The following GSK3B variants were observed in gnomAD, a reference collection of about 807,000 sequenced individuals.
The protein encoded by GSK3B is glycogen synthase kinase-3 beta.
Under a neutral mutation model 56.4 loss-of-function variants are expected in GSK3B, and 15 were observed. The ratio of observed to expected loss-of-function variants is 0.27; its 90% CI spans 0.18 to 0.41. The LOEUF (loss-of-function observed/expected upper bound fraction) is 0.41. GSK3B is among the 10% of genes least tolerant of loss of function. The pLI is 1.00. For missense variants in GSK3B, 300 were observed against 513.4 expected (o/e 0.58, Z 4.02); for synonymous variants, 181 against 188.9 (o/e 0.96, Z 0.34).
intron 1 of GSK3B, among the ~76,000 whole-genome samples, chr3:120,039,980 G>T (rs1307058398): frequency 6.6e-6 from 1 of 152,208 alleles, no homozygotes; most frequent in Admixed American, 6.5e-5. Flanking sequence ...CAGCCTCAGG[G>T]ATAAAGGAAT....
At chr3:119,982,494 A>T (rs2057473010) in intron 2 of GSK3B, among the ~76,000 whole-genome samples, 1 of 152,222 alleles carries the variant, frequency 6.6e-6, no homozygotes, top group South Asian at 2.1e-4. Context: ...GGCTAACTAG[A>T]ATAAACAGTG....
chr3:119,843,072 C>T (rs572708106), intron 10 of GSK3B, among the ~76,000 whole-genome samples, 183 bp downstream of exon 10: 60 of 152,154 alleles, frequency 3.9e-4, no homozygotes, highest in African/African-American at 1.3e-3. Flanking sequence ...CCTGCCACCA[C>T]ACCTGGCTAA....
chr3:119,976,955 C>A (rs910536121), intron 2 of GSK3B, among the ~76,000 whole-genome samples: 1 of 151,978 alleles, frequency 6.6e-6, no homozygotes, highest in African/African-American at 2.4e-5. Flanking sequence ...TGCCTTATAT[C>A]AAGTTTTATT....
chr3:119,880,484 G>T (rs2056367973), intron 7 of GSK3B, among the ~76,000 whole-genome samples: 1 of 151,976 alleles, frequency 6.6e-6, no homozygotes, highest in Non-Finnish European at 1.5e-5. Context: ...GTAGTTTCTT[G>T]TATGCCAATT....
At chr3:120,020,452 T>C (rs1356112910) in intron 1 of GSK3B, among the ~76,000 whole-genome samples, 1 of 152,246 alleles carries the variant, frequency 6.6e-6, no homozygotes, top group Non-Finnish European at 1.5e-5. Flanking sequence ...GCTCACTTTA[T>C]GTCTCTGTGT....
chr3:119,991,653 T>C (rs1251507347), intron 2 of GSK3B, among the ~76,000 whole-genome samples: 1 of 152,102 alleles, frequency 6.6e-6, no homozygotes, highest in Non-Finnish European at 1.5e-5. Context: ...ACAGCAGCTA[T>C]GTAAATCACA....
intron 1 of GSK3B, among the ~76,000 whole-genome samples, chr3:120,083,560 A>G (rs1559906456): frequency 3.3e-5 from 5 of 152,246 alleles, no homozygotes; most frequent in Non-Finnish European, 7.3e-5. Context: ...TTAAAAGCAA[A>G]GGAAAAAATG....
rs746458626 is a variant in GSK3B, at chr3:119,826,685, ATTT to A, written c.*100_*102del. 1.6e-5 allele frequency: 13 copies of A among 788,368 alleles called. No homozygotes were observed. Among genetic ancestry groups the A allele is most frequent in the Non-Finnish European group, 2.7e-5 (12 of 437,784 alleles). The allele number at this position is 788,368 out of a possible 1,614,324, so 48.8% of individuals were successfully genotyped here. A position where few individuals can be genotyped will look rare whatever the true frequency, so the allele number is the denominator to read the frequency against. On this transcript the variant is annotated 3_prime_UTR_variant, in exon 11 of 11. Transcript: ENST00000264235. ...AAAATTGAACACTAAAATGAACAGG[ATTT>A]TTTTCTCTTTTTAATATTCTTTCCA...
intron 1 of GSK3B, among the ~76,000 whole-genome samples, chr3:120,068,843 T>C (rs569666634): frequency 2.0e-5 from 3 of 152,142 alleles, no homozygotes; most frequent in Admixed American, 6.5e-5. Flanking sequence ...TCTAGTATTA[T>C]ATAATTGAAA....
intron 1 of GSK3B, among the ~76,000 whole-genome samples, chr3:120,021,189 A>G (rs1426369610): frequency 6.6e-6 from 1 of 152,112 alleles, no homozygotes; most frequent in Non-Finnish European, 1.5e-5. Flanking sequence ...ACTACACTAA[A>G]CAACTTCTAG....
chr3:120,014,222 G>C (rs2107501508), intron 1 of GSK3B, among the ~76,000 whole-genome samples: 1 of 151,690 alleles, frequency 6.6e-6, no homozygotes, highest in Admixed American at 6.6e-5. Flanking sequence ...TGCAATCCCA[G>C]CACTTTGGGA....
chr3:119,940,110 T>TTGTG (rs56939160), intron 3 of GSK3B, among the ~76,000 whole-genome samples: 2,364 of 149,026 alleles, frequency 0.016, 56 homozygotes, highest in African/African-American at 0.054. Flanking sequence ...GTGTGTGTGT[T>TTGTG]TGTGTGTGTG....
chr3:119,826,078 G>A lies in GSK3B; in HGVS notation c.*710C>T. On this transcript the variant is annotated 3_prime_UTR_variant, in exon 11 of 11. Transcript: ENST00000264235. ...AGTCTTGCTTGCTGCTTCCCCTCTG[G>A]CAGCCTCCTGTACAAGCCTCTACAT... The A allele has an allele frequency of 4.5e-6, 1 of 223,828 alleles. No homozygotes were observed. The highest frequency in any genetic ancestry group is 8.9e-6 in the Non-Finnish European group (1 of 112,406). 13.9% of individuals were successfully genotyped at this position (223,828 alleles called of 1,614,324 possible). A position where few individuals can be genotyped will look rare whatever the true frequency, so the allele number is the denominator to read the frequency against.
intron 2 of GSK3B, among the ~76,000 whole-genome samples, chr3:119,979,045 G>C (rs1206945384): frequency 6.6e-6 from 1 of 152,200 alleles, no homozygotes; most frequent in Non-Finnish European, 1.5e-5. Flanking sequence ...TCTCTCCACT[G>C]TGCTGTCTCC....
rs1454914159 is a variant in GSK3B at position 119,822,064 on chromosome 3, G to T, written c.*4724C>A. The T allele has an allele frequency of 5.1e-6, 1 of 197,344 alleles. No individual in the cohort carries two copies. Among genetic ancestry groups the T allele is most frequent in the African/African-American group, 2.3e-5 (1 of 43,296 alleles). The allele number at this position is 197,344 out of a possible 1,614,324, so 12.2% of individuals were successfully genotyped here. On this transcript the variant is annotated 3_prime_UTR_variant, in exon 11 of 11. Coordinates refer to ENST00000264235, the MANE Select transcript of GSK3B (RefSeq NM_001146156.2). ...ACAAAATGTATTTACAAGGGAATGGGGAAAGGGAAAAAAAACATTGAGCAT... is the reference window on the plus strand; with the variant it reads ...ACAAAATGTATTTACAAGGGAATGGTGAAAGGGAAAAAAAACATTGAGCAT...
intron 1 of GSK3B, among the ~76,000 whole-genome samples, chr3:120,004,418 C>T (rs1250716653): frequency 6.6e-6 from 1 of 152,194 alleles, no homozygotes; most frequent in African/African-American, 2.4e-5. Flanking sequence ...AGCAATGGTT[C>T]TCCCAGCATG....
intron 3 of GSK3B, among the ~76,000 whole-genome samples, chr3:119,943,711 C>T (rs2057071824): frequency 6.6e-6 from 1 of 151,108 alleles, no homozygotes; most frequent in Admixed American, 6.6e-5. Context: ...GGTATAGAAA[C>T]CCAGAGAAAG....
chr3:119,965,228 T>A (rs1162152609), intron 2 of GSK3B, among the ~76,000 whole-genome samples: 1 of 136,516 alleles, frequency 7.3e-6, no homozygotes, highest in Non-Finnish European at 1.6e-5. Flanking sequence ...AATTTTTGTA[T>A]TTTTTTTTTT....
At chr3:119,864,217 CCCA>C (rs1234480194) in intron 8 of GSK3B, among the ~76,000 whole-genome samples, 2 of 151,824 alleles carry the variant, frequency 1.3e-5, no homozygotes, top group African/African-American at 4.8e-5. Context: ...CCAGATTTCC[CCCA>C]CTTGAATGAA....
Sources: allele counts gnomAD v4.1 joint callset (sites outside exome capture counted in the v4.1 genomes callset), GRCh38; gene constraint gnomAD v4.1.1; transcripts MANE v1.5; gene names NCBI Gene and HGNC (gene_info 2026-07-23, HGNC 2026-07-21).